MTA1: variants seen among roughly 807,000 people sequenced by gnomAD.
MTA1 encodes the protein metastasis associated 1, also known as metastasis-associated protein MTA1.
MTA1 carries 15 observed loss-of-function variants against 97.0 expected under a neutral mutation model. That is an observed-to-expected ratio of 0.15 (90% CI 0.10 to 0.24). MTA1 has a LOEUF of 0.24. MTA1 is among the 10% of genes least tolerant of loss of function. MTA1 has a pLI of 1.00. For missense variants in MTA1, 709 were observed against 1,015.1 expected, an observed-to-expected ratio of 0.70 and a Z score of 4.10; for synonymous variants, 435 against 417.5, an observed-to-expected ratio of 1.04 and a Z score of -0.51.
chr14:105,455,888 G>A (rs2083128342), intron 7 of MTA1, among the ~76,000 whole-genome samples: 1 of 152,218 alleles, frequency 6.6e-6, no homozygotes, highest in Admixed American at 6.5e-5. Context: ...GCTGAGGCCT[G>A]TGGGTCGGAG....
chr14:105,458,343 G>A lies in MTA1; in HGVS notation c.624G>A (p.Lys208=). Residue 208 remains lysine (K), a synonymous_variant, in exon 8 of 21, where the codon AAG becomes AAA. Coordinates refer to ENST00000331320, the MANE Select transcript of MTA1 (RefSeq NM_004689.4). ...AGGCGCACAACCCACTCACAGACAA[G>A]CAGATCGACCAGTTCCTGGTGGTGG... is the stretch of plus-strand genomic sequence containing the variant. ...VWEAHNPLTD[K]QIDQFLVVAR... is the part of the protein sequence containing the mutation. 1 of 1,612,752 alleles carries A rather than the reference G, an allele frequency of 6.2e-7. No individual in the cohort carries two copies. The highest frequency in any genetic ancestry group is 8.5e-7 in the Non-Finnish European group (1 of 1,179,934).
rs782157729 is a variant in MTA1, at chr14:105,465,081, TG to T, written c.1535-11del. On this transcript the variant is annotated splice_polypyrimidine_tract_variant and intron_variant, in intron 15 of 20. Coordinates refer to ENST00000331320, the MANE Select transcript of MTA1 (RefSeq NM_004689.4). ...GGGGTGCCCCACCCCTCACACCGTGTGGTACCCCGCAGGCACGGCGCGGCTG... is the reference window on the plus strand; with the variant it reads ...GGGGTGCCCCACCCCTCACACCGTGTGTACCCCGCAGGCACGGCGCGGCTG... 2.7e-6 allele frequency: 4 copies of T among 1,505,026 alleles called. No homozygotes were observed. The African/African-American group carries it at 4.2e-5, about 16-fold the overall frequency. The allele number at this position is 1,505,026 out of a possible 1,614,324, so 93.2% of individuals were successfully genotyped here. A position where few individuals can be genotyped will look rare whatever the true frequency, so the allele number is the denominator to read the frequency against.
chr14:105,455,255 C>G (rs1555429616), intron 7 of MTA1, among the ~76,000 whole-genome samples: 1 of 152,272 alleles, frequency 6.6e-6, no homozygotes, highest in Non-Finnish European at 1.5e-5. Context: ...CTGTGTGAAT[C>G]TGCCCACGTT....
chr14:105,464,580 A>T lies in MTA1; in HGVS notation c.1344+13A>T. 2 of 1,611,984 alleles carry T rather than the reference A, an allele frequency of 1.2e-6. No homozygotes were observed. The highest frequency in any genetic ancestry group is 1.1e-5 in the South Asian group (1 of 91,070). On this transcript the variant is annotated intron_variant, in intron 14 of 20. Coordinates refer to ENST00000331320, the MANE Select transcript of MTA1 (RefSeq NM_004689.4). ...CCGCAGTAACATGGTAAGGGGGGGG[A>T]CACCCGCCCTGCCTGCCATGAGCCT...
chr14:105,437,858 G>A (rs782310197), intron 1 of MTA1, among the ~76,000 whole-genome samples: 5 of 152,224 alleles, frequency 3.3e-5, no homozygotes, highest in Admixed American at 6.5e-5. Flanking sequence ...GCATCGGGGT[G>A]TCAGCACCAC....
intron 2 of MTA1, among the ~76,000 whole-genome samples, chr14:105,443,383 C>T (rs1362436471): frequency 6.6e-6 from 1 of 152,078 alleles, no homozygotes; most frequent in African/African-American, 2.4e-5. Flanking sequence ...TTTGTTGTTG[C>T]TTTTTTGAAA....
In MTA1 at chr14:105,441,780, C is replaced by T. The variant is rs587622755; in HGVS notation, c.96+3041C>T. ...CTACACTCCAGCCTGGGCGACAGAGCGAGACTCTGTCTCAAAAAAATAAAA... is the reference window on the plus strand; with the variant it reads ...CTACACTCCAGCCTGGGCGACAGAGTGAGACTCTGTCTCAAAAAAATAAAA... On this transcript the variant is annotated intron_variant, in intron 2 of 20. Transcript: ENST00000331320. 6.4e-4 allele frequency among the ~76,000 whole-genome samples: 98 copies of T among 152,070 alleles called. 1 individual carries two copies. Among genetic ancestry groups the T allele is most frequent in the African/African-American group, 2.0e-3 (83 of 41,490 alleles).
chr14:105,462,175 G>A (rs2083382806), intron 10 of MTA1, among the ~76,000 whole-genome samples: 1 of 152,262 alleles, frequency 6.6e-6, no homozygotes, highest in African/African-American at 2.4e-5. Flanking sequence ...TGCAGCTTCG[G>A]GGCTGTGTCG....
chr14:105,451,031 T>C (rs2082909220), intron 6 of MTA1, among the ~76,000 whole-genome samples: 1 of 152,218 alleles, frequency 6.6e-6, no homozygotes, highest in Admixed American at 6.5e-5. Context: ...TCTCCAGGCC[T>C]AGGGCTTGGC....
At chr14:105,436,575 C>G (rs891547353) in intron 1 of MTA1, among the ~76,000 whole-genome samples, 1 of 152,184 alleles carries the variant, frequency 6.6e-6, no homozygotes, top group East Asian at 1.9e-4. Flanking sequence ...TGCACGCAGC[C>G]GTCGTGCCTG....
At chr14:105,437,136 C>CG (rs1340438040) in intron 1 of MTA1, among the ~76,000 whole-genome samples, 5 of 152,252 alleles carry the variant, frequency 3.3e-5, no homozygotes, top group African/African-American at 4.8e-5. Context: ...TCAGGCAGCA[C>CG]GGGGGGCTCA....
At chr14:105,466,384 C>T in intron 16 of MTA1, 42 bp from the exon 17 acceptor site, 1 of 1,576,760 alleles carries the variant, frequency 6.3e-7, no homozygotes, top group Non-Finnish European at 8.6e-7. Context: ...CCCTCCCCTG[C>T]TGGGCAGAGG....
At position 105,463,601 on chromosome 14, in the gene MTA1, G is replaced by C; in HGVS notation, c.1076+50G>C. ...TCCTCGTGGCCCCGGGGGCCAGGGA[G>C]GGTGGGCACAGGGTGCTGGGGCCAG... On this transcript the variant is annotated intron_variant, in intron 12 of 20. Transcript: ENST00000331320. This position sits in a 1 kb window ranked among gnomAD's most constrained non-coding sequence, Gnocchi z 5.9. 1 of 1,585,980 alleles carries C rather than the reference G, an allele frequency of 6.3e-7. No homozygotes were observed. The highest frequency in any genetic ancestry group is 8.7e-7 in the Non-Finnish European group (1 of 1,155,880).
intron 1 of MTA1, among the ~76,000 whole-genome samples, chr14:105,428,117 T>C (rs2082066770): frequency 6.6e-6 from 1 of 151,940 alleles, no homozygotes; most frequent in Admixed American, 6.6e-5. Context: ...TGCACAGCTG[T>C]GTGGTCGCTG....
At chr14:105,469,677 C>T (rs781038777) in intron 19 of MTA1, 164 bp from the exon 20 acceptor site, 1,072 of 1,221,830 alleles carry the variant, frequency 8.8e-4, no homozygotes, top group Non-Finnish European at 1.1e-3. Flanking sequence ...CAGCGGTGTG[C>T]GGCCGACCAG....
intron 1 of MTA1, among the ~76,000 whole-genome samples, chr14:105,436,415 T>A (rs1041077226): frequency 2.0e-5 from 3 of 152,256 alleles, no homozygotes; most frequent in Admixed American, 1.3e-4. Context: ...TCAGTACAAT[T>A]CCTTTTACGT....
At position 105,463,571 on chromosome 14, in the gene MTA1, C is replaced by A. The variant is rs145989083; in HGVS notation, c.1076+20C>A. On this transcript the variant is annotated intron_variant, in intron 12 of 20. Transcript: ENST00000331320. This position sits in a 1 kb window ranked among gnomAD's most constrained non-coding sequence, Gnocchi z 5.9. ...CAACTAGTAAGTGTGCCCTCACAGC[C>A]GTCGTCCTCGTGGCCCCGGGGGCCA... 2.5e-6 allele frequency: 4 copies of A among 1,612,016 alleles called. No individual in the cohort carries two copies. In the African/African-American group the frequency reaches 4.0e-5, roughly 16 times the overall value.
intron 1 of MTA1, 35 bp from the exon 2 acceptor site, chr14:105,438,637 G>C: frequency 6.2e-7 from 1 of 1,607,658 alleles, no homozygotes; most frequent in East Asian, 2.2e-5. Flanking sequence ...GGCCTTTGGT[G>C]CCACAGGTGG....
intron 1 of MTA1, among the ~76,000 whole-genome samples, chr14:105,423,651 C>T (rs1394089570): frequency 6.6e-6 from 1 of 152,256 alleles, no homozygotes; most frequent in Non-Finnish European, 1.5e-5. Flanking sequence ...CTGCCCCGGT[C>T]TCTGGCGCAG....
Sources: allele counts gnomAD v4.1 joint callset (sites outside exome capture counted in the v4.1 genomes callset), GRCh38; gene constraint gnomAD v4.1.1; non-coding constraint Gnocchi (gnomAD v3.1); transcripts MANE v1.5; gene names NCBI Gene and HGNC (gene_info 2026-07-23, HGNC 2026-07-21).